The following CPNE8 variants were observed in gnomAD, a reference collection of about 807,000 sequenced individuals.
The protein encoded by CPNE8 is copine 8.
A neutral mutation model predicts 81.5 loss-of-function variants in CPNE8; 45 were observed. The observed-to-expected ratio is 0.55, with a 90% CI of 0.44 to 0.71. The LOEUF (loss-of-function observed/expected upper bound fraction) is 0.71, where lower values mean the gene tolerates loss of function less well. Ranked by LOEUF, CPNE8 falls within the 30% of genes least tolerant of loss-of-function variation. CPNE8 has a pLI of 0.00. For synonymous variants in CPNE8, 252 were observed against 226.3 expected (o/e 1.11, Z -1.02); for missense variants, 594 against 672.1 (o/e 0.88, Z 1.28).
At chr12:38,885,872 TTC>T (rs372461869) in intron 1 of CPNE8, among the ~76,000 whole-genome samples, 2 of 151,488 alleles carry the variant, frequency 1.3e-5, no homozygotes, top group African/African-American at 4.8e-5. Flanking sequence ...TACTTCCCCC[TTC>T]TCTCTCTCTC....
chr12:38,721,632 G>A (rs826856), intron 13 of CPNE8, among the ~76,000 whole-genome samples: 86,094 of 152,064 alleles, frequency 0.57, 24,821 homozygotes, highest in East Asian at 0.81. Flanking sequence ...TACAACACAA[G>A]CAGGGCTGAA....
intron 15 of CPNE8, among the ~76,000 whole-genome samples, chr12:38,690,549 C>T (rs754153228): frequency 2.6e-5 from 4 of 151,996 alleles, no homozygotes; most frequent in South Asian, 2.1e-4. Context: ...CATAAATGTT[C>T]GAATTGGGCT....
At chr12:38,819,758 C>A (rs1181480313) in intron 6 of CPNE8, among the ~76,000 whole-genome samples, 3 of 121,418 alleles carry the variant, frequency 2.5e-5, no homozygotes, top group African/African-American at 3.1e-5. Flanking sequence ...CAGAGCAAGA[C>A]TCCGTCTCAA....
chr12:38,852,154 G>A (rs981031651), intron 3 of CPNE8, among the ~76,000 whole-genome samples: 3 of 152,068 alleles, frequency 2.0e-5, no homozygotes, highest in Non-Finnish European at 4.4e-5. Context: ...TAGGCTGGGC[G>A]CGGTGGCTCA....
At chr12:38,875,642 C>A (rs73274753) in intron 1 of CPNE8, among the ~76,000 whole-genome samples, 6 of 152,154 alleles carry the variant, frequency 3.9e-5, no homozygotes, top group African/African-American at 1.4e-4. Flanking sequence ...AAGTGATTGC[C>A]GCCATTGAAT....
intron 10 of CPNE8, among the ~76,000 whole-genome samples, chr12:38,739,705 G>C (rs114674444): frequency 6.6e-6 from 1 of 151,872 alleles, no homozygotes; most frequent in Non-Finnish European, 1.5e-5. Flanking sequence ...ATTAATTAGC[G>C]GATACCAAAA....
chr12:38,795,863 G>GGACGGATAGATA (rs1555160615), intron 6 of CPNE8, among the ~76,000 whole-genome samples: 1 of 23,994 alleles, frequency 4.2e-5, no homozygotes, highest in Non-Finnish European at 1.3e-4. Context: ...ATAGATGGAT[G>GGACGGATAGATA]GATGGATAGA....
chr12:38,799,035 C>T (rs980102784), intron 6 of CPNE8, among the ~76,000 whole-genome samples: 14 of 152,036 alleles, frequency 9.2e-5, no homozygotes, highest in Non-Finnish European at 1.6e-4. Context: ...ACAGGAGCAC[C>T]CAGATTCATA....
chr12:38,808,406 A>G (rs565729375), intron 6 of CPNE8, among the ~76,000 whole-genome samples: 24 of 152,192 alleles, frequency 1.6e-4, no homozygotes, highest in African/African-American at 5.5e-4. Context: ...CATATACACC[A>G]TGGAATACTA....
intron 13 of CPNE8, among the ~76,000 whole-genome samples, chr12:38,715,890 A>G (rs2136721999): frequency 6.6e-6 from 1 of 152,170 alleles, no homozygotes; most frequent in Admixed American, 6.5e-5. Context: ...ATATCTAGAA[A>G]TCCCTAAAAA....
chr12:38,893,291 A>G (rs1368229745), intron 1 of CPNE8, among the ~76,000 whole-genome samples: 1 of 152,204 alleles, frequency 6.6e-6, no homozygotes, highest in Non-Finnish European at 1.5e-5. Flanking sequence ...ATAGAAGTTC[A>G]GCACAAGATA....
intron 7 of CPNE8, among the ~76,000 whole-genome samples, chr12:38,770,706 T>A (rs1480194065): frequency 6.6e-6 from 1 of 152,148 alleles, no homozygotes; most frequent in Non-Finnish European, 1.5e-5. Context: ...CCCCTGGCCA[T>A]CTCACATCGG....
At chr12:38,726,618 T>C in intron 11 of CPNE8, 1 of 152,212 alleles carries the variant, frequency 6.6e-6, no homozygotes, top group African/African-American at 2.4e-5. Context: ...AGGAAATCAA[T>C]GAATAAAATT....
At chr12:38,801,731 A>G (rs1253919234) in intron 6 of CPNE8, among the ~76,000 whole-genome samples, 1 of 74,174 alleles carries the variant, frequency 1.3e-5, no homozygotes, top group Non-Finnish European at 2.6e-5. Context: ...TAAAGAGTCA[A>G]GACCCATCAG....
At chr12:38,875,624 G>T (rs572321573) in intron 1 of CPNE8, among the ~76,000 whole-genome samples, 10 of 152,038 alleles carry the variant, frequency 6.6e-5, no homozygotes, top group Non-Finnish European at 1.3e-4. Flanking sequence ...CTTATTTCAG[G>T]TTCTCAAAAG....
intron 3 of CPNE8, among the ~76,000 whole-genome samples, chr12:38,867,374 G>GAC (rs1275709492): frequency 1.3e-5 from 2 of 151,744 alleles, no homozygotes; most frequent in Non-Finnish European, 2.9e-5. Flanking sequence ...GAGAGACAGA[G>GAC]AGAGAGAGAG....
intron 4 of CPNE8, 45 bp from the exon 5 acceptor site, chr12:38,840,000 A>G (rs1192153202): frequency 6.6e-7 from 1 of 1,514,210 alleles, no homozygotes; most frequent in Non-Finnish European, 8.9e-7. Flanking sequence ...CACAAAATAC[A>G]GCTAGAAAAA....
intron 18 of CPNE8, among the ~76,000 whole-genome samples, chr12:38,671,805 C>T (rs11169068): frequency 0.036 from 5,494 of 152,140 alleles, 270 homozygotes; most frequent in East Asian, 0.15. Context: ...TACCTTTCTA[C>T]ACATGTTCAT....
intron 13 of CPNE8, among the ~76,000 whole-genome samples, chr12:38,719,883 T>A (rs1940512518): frequency 6.6e-6 from 1 of 152,238 alleles, no homozygotes; most frequent in African/African-American, 2.4e-5. Context: ...TTTTTTCATA[T>A]CCTTTACAAA....
Sources: allele counts gnomAD v4.1 joint callset (sites outside exome capture counted in the v4.1 genomes callset), GRCh38; gene constraint gnomAD v4.1.1; transcripts MANE v1.5; gene names NCBI Gene and HGNC (gene_info 2026-07-23, HGNC 2026-07-21).